The following PSMA8 variants were observed in gnomAD, a reference collection of about 807,000 sequenced individuals.
The protein encoded by PSMA8 is proteasome 20S subunit alpha 8.
In PSMA8, 18 loss-of-function variants were observed where a neutral mutation model predicts 32.4. The observed-to-expected ratio is 0.56, with a 90% CI of 0.38 to 0.82. The LOEUF (loss-of-function observed/expected upper bound fraction) is 0.82. Among genes scored for constraint, PSMA8 ranks in the 40% least tolerant of loss-of-function variants. PSMA8 has a pLI of 0.00. For missense variants in PSMA8, 298 were observed against 300.7 expected, an observed-to-expected ratio of 0.99 and a Z score of 0.07; for synonymous variants, 104 against 98.1, an observed-to-expected ratio of 1.06 and a Z score of -0.36.
In PSMA8 at chr18:26,191,851, T is replaced by C. The variant is rs534379846; in HGVS notation, c.661-468T>C. On this transcript the variant is annotated intron_variant, in intron 6 of 6. Coordinates refer to ENST00000415576, the MANE Select transcript of PSMA8 (RefSeq NM_001025096.2). ...ACTACACTGCAAATTCTTAGAAAAA[T>C]AAAACCTTTTTTGCTTTCTACTTAG... Among the ~76,000 whole-genome samples, 8 of 151,330 alleles carry C rather than the reference T, an allele frequency of 5.3e-5. No homozygotes were observed. In the East Asian group the frequency reaches 1.4e-3, roughly 26 times the overall value.
chr18:26,144,580 A>G lies in PSMA8; in HGVS notation c.124A>G (p.Ile42Val). 6.2e-7 allele frequency: 1 copy of G among 1,613,408 alleles called. No individual in the cohort carries two copies. The highest frequency in any genetic ancestry group is 1.3e-5 in the African/African-American group (1 of 75,028). ...STAVGIRGTN[I>V]VVLGVEKKSV... The stretch of plus-strand genomic sequence containing the variant: ...ACAGGTCGGAATTCGAGGTACCAAT[A>G]TAGTTGTTCTTGGGGTAGAAAAAAA... Residue 42 changes from isoleucine to valine, a missense_variant, in exon 2 of 7, where the codon ATA becomes GTA. By Grantham distance (29) the Ile-to-Val change is conservative (BLOSUM62 3). Coordinates refer to ENST00000415576, the MANE Select transcript of PSMA8 (RefSeq NM_001025096.2).
At position 26,192,859 on chromosome 18, in the gene PSMA8, A is replaced by C. The variant is rs1031038518; in HGVS notation, c.*448A>C. On this transcript the variant is annotated 3_prime_UTR_variant, in exon 7 of 7. Transcript: ENST00000415576. ...GAATGACAAAAGCATCCTTATACTGATGAGTTCTTAAAATTTTGTCAGAGC... is the reference window on the plus strand; with the variant it reads ...GAATGACAAAAGCATCCTTATACTGCTGAGTTCTTAAAATTTTGTCAGAGC... The C allele has an allele frequency of 1.3e-5, 2 of 152,168 alleles. No homozygotes were observed. Among genetic ancestry groups the C allele is most frequent in the Non-Finnish European group, 2.9e-5 (2 of 68,024 alleles). The allele number at this position is 152,168 out of a possible 1,614,324, so 9.4% of individuals were successfully genotyped here.
chr18:26,155,095 T>C (rs928186660), intron 3 of PSMA8, among the ~76,000 whole-genome samples: 11 of 151,584 alleles, frequency 7.3e-5, no homozygotes, highest in Non-Finnish European at 1.3e-4. Flanking sequence ...AACAGCTGGA[T>C]GTGGTGGTGC....
Position 26,192,462 on chromosome 18 carries a change from C to T in PSMA8, c.*51C>T. 6.7e-7 allele frequency: 1 copy of T among 1,485,882 alleles called. No homozygotes were observed. Among genetic ancestry groups the T allele is most frequent in the Non-Finnish European group, 8.9e-7 (1 of 1,127,080 alleles). The allele number at this position is 1,485,882 out of a possible 1,614,324, so 92.0% of individuals were successfully genotyped here. A position where few individuals can be genotyped will look rare whatever the true frequency, so the allele number is the denominator to read the frequency against. On this transcript the variant is annotated 3_prime_UTR_variant, in exon 7 of 7. Coordinates refer to ENST00000415576, the MANE Select transcript of PSMA8 (RefSeq NM_001025096.2). ...TTAATGTTTTGTTTTATTGTACTGC[C>T]TGAGGTTGTTTAGTGAAATTTTAGA...
At chr18:26,147,319 A>C (rs1376635780) in intron 2 of PSMA8, among the ~76,000 whole-genome samples, 1 of 152,156 alleles carries the variant, frequency 6.6e-6, no homozygotes, top group Non-Finnish European at 1.5e-5. Flanking sequence ...AAAATCCACA[A>C]ACACGTGGAG....
intron 4 of PSMA8, among the ~76,000 whole-genome samples, chr18:26,159,845 A>C (rs916516373): frequency 2.0e-5 from 3 of 152,102 alleles, no homozygotes; most frequent in South Asian, 2.1e-4. Flanking sequence ...CCCACTGATT[A>C]CATTTTATGT....
At position 26,186,269 on chromosome 18, in the gene PSMA8, A is replaced by C. The variant is rs917877420; in HGVS notation, c.661-6050A>C. Among the ~76,000 whole-genome samples the C allele has an allele frequency of 2.7e-5, 4 of 150,162 alleles. No individual in the cohort carries two copies. In the South Asian group the frequency reaches 6.3e-4, roughly 24 times the overall value. ...GTCTCAAAAAAAAAAAAAAAAAAAA[A>C]AAAAAAAACGCAAAGTGAGGCTCTA... On this transcript the variant is annotated intron_variant, in intron 6 of 6. Coordinates refer to ENST00000415576, the MANE Select transcript of PSMA8 (RefSeq NM_001025096.2).
chr18:26,146,631 C>T (rs934952171), intron 2 of PSMA8, among the ~76,000 whole-genome samples: 10 of 152,034 alleles, frequency 6.6e-5, no homozygotes, highest in Non-Finnish European at 1.5e-4. Flanking sequence ...GGGATGGTGG[C>T]GTGTGCCTAT....
intron 4 of PSMA8, among the ~76,000 whole-genome samples, chr18:26,165,055 T>C (rs2055167115): frequency 1.3e-5 from 2 of 152,014 alleles, no homozygotes; most frequent in South Asian, 4.1e-4. Flanking sequence ...GTAGCTGGGA[T>C]TACAGGTGCC....
chr18:26,191,582 A>G (rs2055403273), intron 6 of PSMA8, among the ~76,000 whole-genome samples: 2 of 147,960 alleles, frequency 1.4e-5, no homozygotes, highest in Admixed American at 1.4e-4. Context: ...ACCCGGCAGC[A>G]GAGGTTGCAA....
chr18:26,191,400 G>A (rs1242865338), intron 6 of PSMA8, among the ~76,000 whole-genome samples: 7 of 152,114 alleles, frequency 4.6e-5, no homozygotes, highest in South Asian at 4.2e-4. Context: ...AGGCTGAGGC[G>A]GGCAGATCAC....
At chr18:26,143,180 C>T (rs1036548314) in intron 1 of PSMA8, among the ~76,000 whole-genome samples, 2 of 152,078 alleles carry the variant, frequency 1.3e-5, no homozygotes, top group African/African-American at 4.8e-5. Flanking sequence ...GAAAAAAAAT[C>T]GATTCCCACC....
At chr18:26,184,730 C>T (rs1293863852) in intron 6 of PSMA8, among the ~76,000 whole-genome samples, 2 of 143,834 alleles carry the variant, frequency 1.4e-5, no homozygotes, top group Non-Finnish European at 3.0e-5. Flanking sequence ...GTCGAGATAG[C>T]GCCACTGCAC....
intron 3 of PSMA8, among the ~76,000 whole-genome samples, chr18:26,153,369 T>A (rs1383303212): frequency 6.6e-6 from 1 of 152,172 alleles, no homozygotes; most frequent in Non-Finnish European, 1.5e-5. Context: ...GATTATGAGA[T>A]TAAAAATTGT....
intron 1 of PSMA8, among the ~76,000 whole-genome samples, chr18:26,139,878 TTCTG>T (rs1189068177): frequency 6.6e-6 from 1 of 152,212 alleles, no homozygotes; most frequent in Non-Finnish European, 1.5e-5. Flanking sequence ...TAACATAGGT[TTCTG>T]TCTGTTCGTT....
intron 6 of PSMA8, 142 bp downstream of exon 6, chr18:26,179,272 A>G (rs570538035): frequency 1.1e-5 from 6 of 558,332 alleles, no homozygotes; most frequent in Non-Finnish European, 1.8e-5. Flanking sequence ...CTGACCGTCT[A>G]CCGGTTTTTT....
intron 2 of PSMA8, among the ~76,000 whole-genome samples, chr18:26,146,783 T>C (rs2055006580): frequency 6.6e-6 from 1 of 152,094 alleles, no homozygotes; most frequent in African/African-American, 2.4e-5. Context: ...CTTGCATTGC[T>C]ATAAAGAAAC....
chr18:26,192,468 T>C lies in PSMA8; in HGVS notation c.*57T>C, dbSNP rs926414057. The C allele has an allele frequency of 8.1e-6, 12 of 1,475,808 alleles. No homozygotes were observed. The East Asian group carries it at 1.9e-4, about 23-fold the overall frequency. The allele number at this position is 1,475,808 out of a possible 1,614,324, so 91.4% of individuals were successfully genotyped here. ...TTTTGTTTTATTGTACTGCCTGAGG[T>C]TGTTTAGTGAAATTTTAGAGGAAAA... On this transcript the variant is annotated 3_prime_UTR_variant, in exon 7 of 7. Coordinates refer to ENST00000415576, the MANE Select transcript of PSMA8 (RefSeq NM_001025096.2).
At chr18:26,141,000 T>A (rs989202875) in intron 1 of PSMA8, among the ~76,000 whole-genome samples, 1 of 152,252 alleles carries the variant, frequency 6.6e-6, no homozygotes, top group African/African-American at 2.4e-5. Context: ...GTTATACTTT[T>A]AAAATTGTTA....
Sources: allele counts gnomAD v4.1 joint callset (sites outside exome capture counted in the v4.1 genomes callset), GRCh38; gene constraint gnomAD v4.1.1; transcripts MANE v1.5; gene names NCBI Gene and HGNC (gene_info 2026-07-23, HGNC 2026-07-21).